Variants in COL12A1 observed in about 807,000 individuals in gnomAD.
COL12A1 encodes collagen type XII alpha 1 chain, also known as collagen alpha-1(XII) chain.
A neutral mutation model predicts 349.7 loss-of-function variants in COL12A1; 114 were observed. That is an observed-to-expected ratio of 0.33 (90% CI 0.28 to 0.38). The LOEUF is 0.38. Among genes scored for constraint, COL12A1 ranks in the 10% least tolerant of loss-of-function variants. The probability of loss-of-function intolerance (pLI) is 1.00; values close to 1 mark genes in which losing one functional copy is unlikely to be tolerated. For missense variants in COL12A1, 3,284 were observed against 3,756.9 expected (o/e 0.87, Z 3.29); for synonymous variants, 1,369 against 1,329.0 (o/e 1.03, Z -0.66).
rs2149410580 is a variant in COL12A1 at position 75,148,424 on chromosome 6, T to C, written c.4221A>G (p.Pro1407=). Reference sequence around the variant, plus strand: ...TATATCGATCCACACTGTCAGAAGGTGGTGTCCAGCTCACTCTAAAAGAAC... The same window carrying C: ...TATATCGATCCACACTGTCAGAAGGCGGTGTCCAGCTCACTCTAAAAGAAC... The part of the protein sequence containing the change: ...THRSFRVSWT[P]PSDSVDRYKV... Residue 1407 remains proline, a synonymous_variant, in exon 22 of 66, where the codon CCA becomes CCG. Transcript: ENST00000322507. 5 of 1,613,582 alleles carry C rather than the reference T, an allele frequency of 3.1e-6. No homozygotes were observed. The highest frequency in any genetic ancestry group is 4.2e-6 in the Non-Finnish European group (5 of 1,179,598).
chr6:75,159,852 A>G (rs1477078440), intron 14 of COL12A1, among the ~76,000 whole-genome samples: 1 of 151,784 alleles, frequency 6.6e-6, no homozygotes, highest in Non-Finnish European at 1.5e-5. Context: ...TTAAGTTTCA[A>G]AAAAAAATGG....
At chr6:75,184,363 G>C (rs1301395534) in intron 8 of COL12A1, among the ~76,000 whole-genome samples, 1 of 152,168 alleles carries the variant, frequency 6.6e-6, no homozygotes, top group South Asian at 2.1e-4. Context: ...GAAGTTAATG[G>C]AATAAGAAAG....
chr6:75,104,586 C>G (rs960978351), intron 54 of COL12A1, among the ~76,000 whole-genome samples: 1 of 152,158 alleles, frequency 6.6e-6, no homozygotes, highest in Non-Finnish European at 1.5e-5. Flanking sequence ...GATACTGGAT[C>G]GACTAACTCA....
chr6:75,148,339 T>C lies in COL12A1; in HGVS notation c.4287+19A>G. The C allele has an allele frequency of 6.2e-7, 1 of 1,607,958 alleles. No homozygotes were observed. Among genetic ancestry groups the C allele is most frequent in the Non-Finnish European group, 8.5e-7 (1 of 1,176,898 alleles). On this transcript the variant is annotated intron_variant, in intron 22 of 65. Coordinates refer to ENST00000322507, the MANE Select transcript of COL12A1 (RefSeq NM_004370.6). ...ATCTCAACATCAGGAAGAAGTAAGT[T>C]ATAGGTGTTCCTACTCACTTCTTGA...
chr6:75,140,296 T>G (rs889256883), intron 27 of COL12A1, among the ~76,000 whole-genome samples: 2 of 152,114 alleles, frequency 1.3e-5, no homozygotes, highest in African/African-American at 4.8e-5. Flanking sequence ...ATGAAATTGC[T>G]AAGAGATCTC....
intron 32 of COL12A1, among the ~76,000 whole-genome samples, 169 bp downstream of exon 32, chr6:75,134,557 C>T (rs1245760172): frequency 1.3e-5 from 2 of 151,712 alleles, no homozygotes; most frequent in Non-Finnish European, 2.9e-5. Context: ...GGCAATAGAG[C>T]AAGACTCCAT....
At chr6:75,102,761 A>C in intron 55 of COL12A1, 69 bp from the exon 56 acceptor site, 2 of 926,132 alleles carry the variant, frequency 2.2e-6, no homozygotes, top group Non-Finnish European at 3.0e-6. Flanking sequence ...ATTTAGTCAG[A>C]CACTTGTCAT....
chr6:75,101,870 G>T, intron 57 of COL12A1, 129 bp downstream of exon 57: 1 of 1,105,180 alleles, frequency 9.0e-7, no homozygotes, highest in Non-Finnish European at 1.3e-6. Flanking sequence ...ACCAGGGTAT[G>T]AAATGGAAAT....
chr6:75,134,068 A>G, intron 32 of COL12A1, 71 bp from the exon 33 acceptor site: 1 of 1,523,028 alleles, frequency 6.6e-7, no homozygotes, highest in Non-Finnish European at 8.9e-7. Flanking sequence ...AGATTCACTG[A>G]TATCTCCCAG....
Position 75,177,852 on chromosome 6 carries a change from C to T in COL12A1, c.2248G>A (p.Val750Ile), listed in dbSNP as rs754298707. The T allele has an allele frequency of 1.2e-6, 2 of 1,614,092 alleles. No homozygotes were observed. The highest frequency in any genetic ancestry group is 1.1e-5 in the South Asian group (1 of 91,088). The change falls in exon 12 of 66, where the codon GTT (valine) becomes ATT (isoleucine). Residue 750 changes from valine (V) to isoleucine (I), a missense_variant. By Grantham distance (29) the Val-to-Ile change is conservative. Coordinates refer to ENST00000322507, the MANE Select transcript of COL12A1 (RefSeq NM_004370.6). ...CTATATATAATTCGATATCTTAAAACTCTCCCTGGAGCTTGAGTCCAAGTA... is the reference window on the plus strand; with the variant it reads ...CTATATATAATTCGATATCTTAAAATTCTCCCTGGAGCTTGAGTCCAAGTA... Reference protein sequence around the residue: ...KITWTQAPGRVLRYRIIYRPV... With the variant: ...KITWTQAPGRILRYRIIYRPV...
At chr6:75,189,480 G>A (rs1000750644) in intron 6 of COL12A1, 72 bp downstream of exon 6, 20 of 1,576,072 alleles carry the variant, frequency 1.3e-5, no homozygotes, top group Non-Finnish European at 1.6e-5. Flanking sequence ...ATATGTAATA[G>A]GCAATGCATC....
intron 35 of COL12A1, 83 bp downstream of exon 35, chr6:75,131,857 G>A: frequency 1.3e-6 from 2 of 1,482,480 alleles, no homozygotes; most frequent in Non-Finnish European, 1.8e-6. Flanking sequence ...TTTGTGGTTT[G>A]TGTTCTCCCA....
intron 5 of COL12A1, among the ~76,000 whole-genome samples, chr6:75,190,249 C>T (rs1280215901): frequency 1.3e-5 from 2 of 151,820 alleles, no homozygotes; most frequent in Non-Finnish European, 2.9e-5. Flanking sequence ...TGGTATTTAT[C>T]AACAAATAAA....
At chr6:75,163,315 TG>T (rs1358095382) in intron 14 of COL12A1, among the ~76,000 whole-genome samples, 4 of 152,172 alleles carry the variant, frequency 2.6e-5, no homozygotes, top group Non-Finnish European at 5.9e-5. Context: ...ATATACACCA[TG>T]GAATACTATG....
chr6:75,146,190 T>G lies in COL12A1; in HGVS notation c.4472A>C (p.His1491Pro). The G allele has an allele frequency of 3.7e-6, 6 of 1,613,538 alleles. No homozygotes were observed. Among genetic ancestry groups the G allele is most frequent in the Non-Finnish European group, 5.1e-6 (6 of 1,179,684 alleles). Residue 1491 changes from histidine to proline, a missense_variant, in exon 24 of 66, where the codon CAT becomes CCT. Physicochemically the swap from His to Pro is moderately conservative, Grantham distance 77 (BLOSUM62 -2). Transcript: ENST00000322507. The part of the protein sequence containing the change: ...NIYDVGPTTM[H>P]VQWQPVGGAT... Reference sequence around the variant, plus strand: ...TCCTCCCACAGGCTGCCACTGCACATGCATGGTGGTAGGGCCAACATCATA... The same window carrying G: ...TCCTCCCACAGGCTGCCACTGCACAGGCATGGTGGTAGGGCCAACATCATA...
At chr6:75,101,466 TAGCTTTGC>T in intron 58 of COL12A1, 126 bp downstream of exon 58, 1 of 792,634 alleles carries the variant, frequency 1.3e-6, no homozygotes, top group South Asian at 2.0e-5. Flanking sequence ...CCACTGACAT[TAGCTTTGC>T]AGCTTTGCAG....
chr6:75,094,103 T>C (rs766720258), intron 60 of COL12A1, among the ~76,000 whole-genome samples: 45 of 152,090 alleles, frequency 3.0e-4, no homozygotes, highest in Middle Eastern at 3.4e-3. Context: ...TTTAACCTAA[T>C]ATATCAGGAG....
chr6:75,169,144 T>C (rs986896462), intron 13 of COL12A1, among the ~76,000 whole-genome samples: 4 of 152,218 alleles, frequency 2.6e-5, no homozygotes, highest in African/African-American at 9.7e-5. Context: ...TTCACATTAA[T>C]GAAGTTCTAA....
At chr6:75,106,531 G>A (rs1253512712) in intron 52 of COL12A1, 35 bp from the exon 53 acceptor site, 1 of 1,590,984 alleles carries the variant, frequency 6.3e-7, no homozygotes, top group Admixed American at 1.7e-5. Context: ...AGCTAAAGAT[G>A]CATGAAAAAC....
Sources: gnomAD v4.1 joint callset for allele counts (sites outside exome capture counted in the v4.1 genomes callset) on GRCh38, gnomAD v4.1.1 for gene constraint, MANE v1.5 for transcripts, NCBI Gene and HGNC (gene_info 2026-07-23, HGNC 2026-07-21) for gene names.